Variants in CTNNA3 observed in about 807,000 individuals in gnomAD.
CTNNA3 encodes the protein catenin alpha 3, also known as catenin alpha-3.
In CTNNA3, 76 loss-of-function variants were observed where a neutral mutation model predicts 95.7. That is an observed-to-expected ratio of 0.79 (90% CI 0.66 to 0.96). The LOEUF (loss-of-function observed/expected upper bound fraction) is 0.96, where lower values mean the gene tolerates loss of function less well. Among genes scored for constraint, CTNNA3 ranks in the 40% least tolerant of loss-of-function variants. CTNNA3 has a pLI of 0.00. For synonymous variants in CTNNA3, 431 were observed against 374.4 expected (o/e 1.15, Z -1.74); for missense variants, 1,191 against 1,089.8 (o/e 1.09, Z -1.31).
chr10:65,950,077 AGT>A (rs1450688132), intron 17 of CTNNA3, among the ~76,000 whole-genome samples: 2 of 152,128 alleles, frequency 1.3e-5, no homozygotes, highest in Admixed American at 6.5e-5. Context: ...TATTACTAGG[AGT>A]TATTGATTTG....
intron 17 of CTNNA3, among the ~76,000 whole-genome samples, chr10:65,949,639 C>T (rs1179312768): frequency 6.6e-6 from 1 of 152,142 alleles, no homozygotes; most frequent in African/African-American, 2.4e-5. Flanking sequence ...CTGAGACTAG[C>T]TTTACCTGAC....
intron 2 of CTNNA3, among the ~76,000 whole-genome samples, chr10:67,641,678 T>TA (rs1352272367): frequency 6.6e-6 from 1 of 152,112 alleles, no homozygotes; most frequent in Non-Finnish European, 1.5e-5. Context: ...TATGCAGCCA[T>TA]AAAAAATGAT....
At chr10:66,035,447 C>T (rs2079540411) in intron 15 of CTNNA3, among the ~76,000 whole-genome samples, 1 of 150,966 alleles carries the variant, frequency 6.6e-6, no homozygotes. Context: ...TAAACAAATA[C>T]ATATATACCT....
rs189886849 is a variant in CTNNA3 at position 66,119,408 on chromosome 10, C to A, written c.1885-16159G>T. Among the ~76,000 whole-genome samples, 4 of 152,274 alleles carry A rather than the reference C, an allele frequency of 2.6e-5. No homozygotes were observed. In the East Asian group the frequency reaches 7.7e-4, roughly 29 times the overall value. On this transcript the variant is annotated intron_variant, in intron 13 of 17. Coordinates refer to ENST00000433211, the MANE Select transcript of CTNNA3 (RefSeq NM_013266.4). ...GACACCCTACAAGCTGTTCCTATTA[C>A]TCTCTCTCACTCTAATGTTTACAAA...
At chr10:67,404,397 A>G (rs1212615597) in intron 5 of CTNNA3, among the ~76,000 whole-genome samples, 2 of 152,038 alleles carry the variant, frequency 1.3e-5, no homozygotes, top group Non-Finnish European at 1.5e-5. Flanking sequence ...ACACAACAAG[A>G]ACTTCACGAT....
At chr10:67,701,695 G>C (rs1383153908) in intron 1 of CTNNA3, among the ~76,000 whole-genome samples, 1 of 152,138 alleles carries the variant, frequency 6.6e-6, no homozygotes, top group Non-Finnish European at 1.5e-5. Context: ...AGACCATCGA[G>C]GCTAGGAAGA....
chr10:66,647,163 G>T (rs1845734458), intron 9 of CTNNA3, among the ~76,000 whole-genome samples: 2 of 152,114 alleles, frequency 1.3e-5, no homozygotes, highest in African/African-American at 4.8e-5. Flanking sequence ...AGAATGAATG[G>T]ACATTGTAAA....
At chr10:66,350,267 T>C (rs2092556752) in intron 12 of CTNNA3, among the ~76,000 whole-genome samples, 1 of 152,064 alleles carries the variant, frequency 6.6e-6, no homozygotes, top group Non-Finnish European at 1.5e-5. Flanking sequence ...GAAGCAAGAA[T>C]CTTAGAGGAA....
At chr10:66,340,763 G>A (rs1045707819) in intron 12 of CTNNA3, among the ~76,000 whole-genome samples, 5 of 151,464 alleles carry the variant, frequency 3.3e-5, no homozygotes, top group African/African-American at 1.2e-4. Flanking sequence ...GAGATATACG[G>A]ATGAGATATT....
intron 7 of CTNNA3, among the ~76,000 whole-genome samples, chr10:66,953,262 A>C (rs1440644814): frequency 6.6e-6 from 1 of 152,226 alleles, no homozygotes; most frequent in Non-Finnish European, 1.5e-5. Flanking sequence ...ACAGAAAAGT[A>C]ATTCTTATGA....
intron 5 of CTNNA3, among the ~76,000 whole-genome samples, chr10:67,402,941 T>G (rs1844979759): frequency 6.6e-6 from 1 of 152,158 alleles, no homozygotes; most frequent in Non-Finnish European, 1.5e-5. Flanking sequence ...ACAGCGTCCA[T>G]CTGTGGGCCC....
chr10:66,264,526 A>G lies in CTNNA3; in HGVS notation c.1884+15944T>C, dbSNP rs78264565. On this transcript the variant is annotated intron_variant, in intron 13 of 17. Transcript: ENST00000433211. ...TTTTGGATATATTTGGTTAAAATAT[A>G]TTATTGACATTAATTTGACATGTAA... Among the ~76,000 whole-genome samples, 152 of 152,160 alleles carry G rather than the reference A, an allele frequency of 1.0e-3. No individual in the cohort carries two copies. The East Asian group carries it at 0.023, about 23-fold the overall frequency.
chr10:66,375,153 A>G (rs935298931), intron 12 of CTNNA3, among the ~76,000 whole-genome samples: 1 of 152,074 alleles, frequency 6.6e-6, no homozygotes, highest in Non-Finnish European at 1.5e-5. Flanking sequence ...GATGGCAGTT[A>G]ATAATCTTGG....
intron 7 of CTNNA3, among the ~76,000 whole-genome samples, chr10:67,038,930 C>T (rs1854231577): frequency 6.6e-6 from 1 of 151,850 alleles, no homozygotes; most frequent in African/African-American, 2.4e-5. Context: ...TAACTTGTAG[C>T]ATATGTAAAA....
At chr10:67,750,850 T>C (rs958471322) in intron 1 of CTNNA3, 2 of 1,610,862 alleles carry the variant, frequency 1.2e-6, no homozygotes, top group Non-Finnish European at 1.7e-6. Context: ...GTGTCACCCA[T>C]ACCTCACACA....
intron 1 of CTNNA3, among the ~76,000 whole-genome samples, chr10:67,745,514 T>TG (rs1216753158): frequency 1.1e-3 from 4 of 3,656 alleles, no homozygotes; most frequent in Non-Finnish European, 1.6e-3. Flanking sequence ...TGTTGTGGGG[T>TG]GGGGGGGAGG....
intron 10 of CTNNA3, among the ~76,000 whole-genome samples, chr10:66,570,993 T>C (rs574870474): frequency 7.9e-5 from 12 of 152,274 alleles, no homozygotes; most frequent in Non-Finnish European, 1.6e-4. Context: ...GAGATTCTTA[T>C]AGGTTTTGGT....
chr10:66,100,948 A>G (rs1003420600), intron 14 of CTNNA3, among the ~76,000 whole-genome samples: 2 of 152,188 alleles, frequency 1.3e-5, no homozygotes, highest in African/African-American at 4.8e-5. Context: ...ACAAGTGCTA[A>G]GCCAGAATAA....
At chr10:66,548,245 A>G (rs1393250692) in intron 10 of CTNNA3, among the ~76,000 whole-genome samples, 2 of 152,102 alleles carry the variant, frequency 1.3e-5, no homozygotes, top group Admixed American at 6.6e-5. Context: ...ATTATTGAAT[A>G]TATTATATTT....
Sources: allele counts gnomAD v4.1 joint callset (sites outside exome capture counted in the v4.1 genomes callset), GRCh38; gene constraint gnomAD v4.1.1; transcripts MANE v1.5; gene names NCBI Gene and HGNC (gene_info 2026-07-23, HGNC 2026-07-21).